The following ESPN variants were observed in gnomAD, a reference collection of about 807,000 sequenced individuals.
The protein encoded by ESPN is espin.
A neutral mutation model predicts 77.7 loss-of-function variants in ESPN; 68 were observed. That is an observed-to-expected ratio of 0.87 (90% CI 0.72 to 1.07). The LOEUF is 1.07. ESPN is among the 50% of genes least tolerant of loss of function. The probability of loss-of-function intolerance (pLI) is 0.00; values close to 1 mark genes in which losing one functional copy is unlikely to be tolerated. For missense variants in ESPN, 1,060 were observed against 1,239.0 expected (o/e 0.86, Z 2.17); for synonymous variants, 449 against 567.1 (o/e 0.79, Z 2.96).
Position 6,451,283 on chromosome 1 carries a change from G to C in ESPN, c.1916-320G>C. 1 of 444,320 alleles carries C rather than the reference G, an allele frequency of 2.3e-6. No homozygotes were observed. The highest frequency in any genetic ancestry group is 2.1e-5 in the South Asian group (1 of 47,504). 27.5% of individuals were successfully genotyped at this position (444,320 alleles called of 1,614,324 possible). A position where few individuals can be genotyped will look rare whatever the true frequency, so the allele number is the denominator to read the frequency against. On this transcript the variant is annotated intron_variant, in intron 8 of 12. Coordinates refer to ENST00000645284, the MANE Select transcript of ESPN (RefSeq NM_031475.3). This position sits in a 1 kb window ranked among gnomAD's most constrained non-coding sequence, Gnocchi z 4.3. Reference sequence around the variant, plus strand: ...GTGGCTGATTCCAGGTAGTGTTTTGGAGCTGGGCAGTCAGTGGCTGGGCGG... The same window carrying C: ...GTGGCTGATTCCAGGTAGTGTTTTGCAGCTGGGCAGTCAGTGGCTGGGCGG...
In ESPN at chr1:6,424,910, C is replaced by T. The variant is rs1301199200; in HGVS notation, c.-46C>T. ...CCCGCAAGAACACGTGCATGGCGTC[C>T]TGGGGAAGGCGCTGAGTGCGGAGTC... On this transcript the variant is annotated 5_prime_UTR_variant, in exon 1 of 13. Coordinates refer to ENST00000645284, the MANE Select transcript of ESPN (RefSeq NM_031475.3). 16 of 1,414,480 alleles carry T rather than the reference C, an allele frequency of 1.1e-5. No individual in the cohort carries two copies. Among genetic ancestry groups the T allele is most frequent in the Admixed American group, 2.8e-5 (1 of 35,232 alleles). 87.6% of individuals were successfully genotyped at this position (1,414,480 alleles called of 1,614,324 possible). A position where few individuals can be genotyped will look rare whatever the true frequency, so the allele number is the denominator to read the frequency against.
In ESPN at chr1:6,428,433, T is replaced by C; in HGVS notation, c.488+14T>C. ...GCACTACCCTGAGTAAGATCACCCC[T>C]CTTAAGGGGTCCTCTGGGTGGGCTG... On this transcript the variant is annotated intron_variant, in intron 2 of 12. Coordinates refer to ENST00000645284, the MANE Select transcript of ESPN (RefSeq NM_031475.3). This position sits in a 1 kb window ranked among gnomAD's most constrained non-coding sequence, Gnocchi z 5.4. 1 of 1,596,100 alleles carries C rather than the reference T, an allele frequency of 6.3e-7. No homozygotes were observed.
chr1:6,446,431 T>A (rs781053709), intron 7 of ESPN, among the ~76,000 whole-genome samples: 30 of 152,126 alleles, frequency 2.0e-4, no homozygotes, highest in Non-Finnish European at 3.7e-4. Flanking sequence ...CTAGCAGGGC[T>A]GGGTGGAAGT....
chr1:6,452,206 T>C (rs1228964390), intron 10 of ESPN, 110 bp downstream of exon 10: 8 of 1,282,168 alleles, frequency 6.2e-6, no homozygotes, highest in Admixed American at 5.7e-5. Context: ...TTCTTTCTTT[T>C]TTTTTTTTCT....
chr1:6,431,628 C>CAAAAAAAA, intron 2 of ESPN, among the ~76,000 whole-genome samples: 1 of 61,784 alleles, frequency 1.6e-5, no homozygotes, highest in South Asian at 6.2e-4. Context: ...AAGATTCTGT[C>CAAAAAAAA]AAAAAAAAAA....
At chr1:6,430,400 G>T (rs375513475) in intron 2 of ESPN, among the ~76,000 whole-genome samples, 1 of 152,200 alleles carries the variant, frequency 6.6e-6, no homozygotes, top group South Asian at 2.1e-4. Context: ...GGACAGCCTC[G>T]GGGAAGCTCA....
chr1:6,436,151 G>A (rs1643430978), intron 2 of ESPN, among the ~76,000 whole-genome samples: 1 of 151,910 alleles, frequency 6.6e-6, no homozygotes, highest in Non-Finnish European at 1.5e-5. Flanking sequence ...GAGGCAGAGG[G>A]ACAGACCAAC....
chr1:6,454,324 C>T (rs1233798382), intron 10 of ESPN: 2 of 397,898 alleles, frequency 5.0e-6, no homozygotes, highest in African/African-American at 2.1e-5. Context: ...GACGCAGCCC[C>T]GCGGAGCCAT....
rs1427877831 is a variant in ESPN at position 6,460,581 on chromosome 1, G to C, written c.*435G>C. On this transcript the variant is annotated 3_prime_UTR_variant, in exon 13 of 13. Coordinates refer to ENST00000645284, the MANE Select transcript of ESPN (RefSeq NM_031475.3). Reference sequence around the variant, plus strand: ...CTGGGTGGAGGCAGGCCCCGAGCTCGGGGAAGGGGTTTTCCCTTCCTCTCT... The same window carrying C: ...CTGGGTGGAGGCAGGCCCCGAGCTCCGGGAAGGGGTTTTCCCTTCCTCTCT... The C allele has an allele frequency of 5.8e-6, 1 of 172,648 alleles. No homozygotes were observed. The highest frequency in any genetic ancestry group is 1.4e-4 in the South Asian group (1 of 6,942). 10.7% of individuals were successfully genotyped at this position (172,648 alleles called of 1,614,324 possible).
chr1:6,440,538 CG>C, intron 3 of ESPN, 87 bp from the exon 4 acceptor site: 1 of 209,880 alleles, frequency 4.8e-6, no homozygotes, highest in Non-Finnish European at 6.0e-6. Flanking sequence ...GGCGGGGGGG[CG>C]GGGGCGGGCC....
chr1:6,444,990 A>T (rs1643774923), intron 6 of ESPN, among the ~76,000 whole-genome samples: 1 of 152,208 alleles, frequency 6.6e-6, no homozygotes, highest in African/African-American at 2.4e-5. Flanking sequence ...GTACATGTGT[A>T]CATACAGCAT....
At chr1:6,457,312 C>T (rs368470649) in intron 11 of ESPN, 49 bp downstream of exon 11, 69 of 1,614,032 alleles carry the variant, frequency 4.3e-5, no homozygotes, top group East Asian at 6.7e-5. Context: ...GTCTTGACTG[C>T]GTCCCTGAGG....
At chr1:6,445,995 G>T (rs1169684936) in intron 7 of ESPN, 60 bp downstream of exon 7, 1 of 1,575,404 alleles carries the variant, frequency 6.3e-7, no homozygotes, top group East Asian at 2.2e-5. Context: ...ATGGGGGCCA[G>T]TGAGGCCAAA....
intron 6 of ESPN, among the ~76,000 whole-genome samples, chr1:6,445,264 C>A (rs1643787516): frequency 6.6e-6 from 1 of 152,268 alleles, no homozygotes; most frequent in South Asian, 2.1e-4. Flanking sequence ...GTGCCCTGAG[C>A]ATGGGCGTCC....
At chr1:6,438,938 T>C (rs1643526742) in intron 2 of ESPN, among the ~76,000 whole-genome samples, 1 of 152,152 alleles carries the variant, frequency 6.6e-6, no homozygotes, top group South Asian at 2.1e-4. Flanking sequence ...ATGGCAAAAC[T>C]GGGTTTCTAC....
In ESPN at chr1:6,427,571, C is replaced by T. The variant is rs559062727; in HGVS notation, c.295-655C>T. Among the ~76,000 whole-genome samples the T allele has an allele frequency of 6.6e-6, 1 of 152,322 alleles. No homozygotes were observed. Among genetic ancestry groups the T allele is most frequent in the South Asian group, 2.1e-4 (1 of 4,822 alleles). On this transcript the variant is annotated intron_variant, in intron 1 of 12. Coordinates refer to ENST00000645284, the MANE Select transcript of ESPN (RefSeq NM_031475.3). The surrounding 1 kb of genome is among the most constrained non-coding windows in gnomAD (Gnocchi z 4.6). Reference sequence around the variant, plus strand: ...CTGCCCCGGACCCGCCCACCAGTACCCAGCAACTTCCACCTCCACAGGGGC... The same window carrying T: ...CTGCCCCGGACCCGCCCACCAGTACTCAGCAACTTCCACCTCCACAGGGGC...
In ESPN at chr1:6,441,077, G is replaced by A; in HGVS notation, c.990+12G>A. The A allele has an allele frequency of 1.2e-6, 2 of 1,609,660 alleles. No individual in the cohort carries two copies. The highest frequency in any genetic ancestry group is 1.7e-6 in the Non-Finnish European group (2 of 1,178,876). Reference sequence around the variant, plus strand: ...CGGTGGAGAACCTGGTACGATCCCTGAGCTGCTCCTGTCGCATTCTTTCTT... The same window carrying A: ...CGGTGGAGAACCTGGTACGATCCCTAAGCTGCTCCTGTCGCATTCTTTCTT... On this transcript the variant is annotated intron_variant, in intron 5 of 12. Coordinates refer to ENST00000645284, the MANE Select transcript of ESPN (RefSeq NM_031475.3).
At position 6,444,462 on chromosome 1, in the gene ESPN, C is replaced by T. The variant is rs1643752020; in HGVS notation, c.991-19C>T. Reference sequence around the variant, plus strand: ...CTTGGGGTATGGTTGTCTTCATGGCCTCCCTGCCTCCCCTTCAGAGCGTGG... The same window carrying T: ...CTTGGGGTATGGTTGTCTTCATGGCTTCCCTGCCTCCCCTTCAGAGCGTGG... On this transcript the variant is annotated intron_variant, in intron 5 of 12. Coordinates refer to ENST00000645284, the MANE Select transcript of ESPN (RefSeq NM_031475.3). 1 of 1,613,528 alleles carries T rather than the reference C, an allele frequency of 6.2e-7. No individual in the cohort carries two copies.
chr1:6,450,499 T>C lies in ESPN; in HGVS notation c.1916-1104T>C. On this transcript the variant is annotated intron_variant, in intron 8 of 12. Transcript: ENST00000645284. The surrounding 1 kb of genome is among the most constrained non-coding windows in gnomAD (Gnocchi z 4.3). ...AGTAGCTGCGTGCGCGGCTCCTGGC[T>C]GAGGCTGAGGCGCGGGGTGGGGGGA... 1.0e-6 allele frequency: 1 copy of C among 962,796 alleles called. No individual in the cohort carries two copies. The highest frequency in any genetic ancestry group is 1.2e-6 in the Non-Finnish European group (1 of 809,058). 59.6% of individuals were successfully genotyped at this position (962,796 alleles called of 1,614,324 possible). A position where few individuals can be genotyped will look rare whatever the true frequency, so the allele number is the denominator to read the frequency against.
Sources: allele counts gnomAD v4.1 joint callset (sites outside exome capture counted in the v4.1 genomes callset), GRCh38; gene constraint gnomAD v4.1.1; non-coding constraint Gnocchi (gnomAD v3.1); transcripts MANE v1.5; gene names NCBI Gene and HGNC (gene_info 2026-07-23, HGNC 2026-07-21).